TSGA10: variants seen among roughly 807,000 people sequenced by gnomAD.
TSGA10 encodes testis-specific gene 10 protein.
Under a neutral mutation model 96.6 loss-of-function variants are expected in TSGA10, and 43 were observed. That is an observed-to-expected ratio of 0.44 (90% CI 0.35 to 0.57). The LOEUF (loss-of-function observed/expected upper bound fraction) is 0.57, where lower values mean the gene tolerates loss of function less well. Ranked by LOEUF, TSGA10 falls within the 20% of genes least tolerant of loss-of-function variation. The pLI, the probability that TSGA10 is intolerant of heterozygous loss-of-function variation, is 0.01. For synonymous variants in TSGA10, 229 were observed against 269.9 expected (o/e 0.85, Z 1.48); for missense variants, 703 against 834.4 (o/e 0.84, Z 1.94).
At chr2:99,073,764 G>A (rs569477118) in intron 12 of TSGA10, among the ~76,000 whole-genome samples, 1 of 152,142 alleles carries the variant, frequency 6.6e-6, no homozygotes, top group Non-Finnish European at 1.5e-5. Context: ...ATATCTTAAT[G>A]CCTTTAATAC....
chr2:99,095,492 A>C (rs1200599448), intron 10 of TSGA10, among the ~76,000 whole-genome samples: 1 of 152,196 alleles, frequency 6.6e-6, no homozygotes, highest in Non-Finnish European at 1.5e-5. Flanking sequence ...TGATTCTTTA[A>C]AAAATTCTAT....
chr2:99,071,944 A>T, intron 13 of TSGA10, 70 bp from the exon 14 acceptor site: 1 of 1,371,274 alleles, frequency 7.3e-7, no homozygotes, highest in Non-Finnish European at 1.0e-6. Flanking sequence ...TTCTCACAAG[A>T]CAGAAGATGG....
chr2:99,075,772 T>TA (rs2086639894), intron 12 of TSGA10, among the ~76,000 whole-genome samples: 1 of 152,182 alleles, frequency 6.6e-6, no homozygotes, highest in South Asian at 2.1e-4. Context: ...ATAACATTGT[T>TA]ACGGTTCGCA....
intron 16 of TSGA10, among the ~76,000 whole-genome samples, chr2:99,057,010 C>CA (rs2084079978): frequency 6.6e-6 from 1 of 151,890 alleles, no homozygotes; most frequent in Admixed American, 6.6e-5. Context: ...AAGCATTTGA[C>CA]AAAATCCAAC....
intron 20 of TSGA10, among the ~76,000 whole-genome samples, chr2:99,004,268 T>A (rs187237573): frequency 1.1e-4 from 17 of 152,196 alleles, no homozygotes; most frequent in African/African-American, 3.9e-4. Context: ...AATCTCTGAA[T>A]AGACCAATAA....
chr2:99,101,244 CAAAAAAA>C (rs869263270), intron 10 of TSGA10, among the ~76,000 whole-genome samples: 3 of 24,364 alleles, frequency 1.2e-4, no homozygotes, highest in Admixed American at 6.8e-4. Context: ...GACTCTGTCT[CAAAAAAA>C]AAAAAAAAAA....
intron 17 of TSGA10, among the ~76,000 whole-genome samples, chr2:99,028,900 C>G (rs1028702685): frequency 1.3e-5 from 2 of 152,246 alleles, no homozygotes; most frequent in Non-Finnish European, 2.9e-5. Flanking sequence ...GGATATAATG[C>G]AAAATGTGAT....
At chr2:99,100,705 A>G (rs975928550) in intron 10 of TSGA10, among the ~76,000 whole-genome samples, 1 of 151,704 alleles carries the variant, frequency 6.6e-6, no homozygotes, top group African/African-American at 2.4e-5. Flanking sequence ...CTGTAGTCCC[A>G]GCTGCTCAGG....
chr2:99,018,530 A>G lies in TSGA10; in HGVS notation c.1922+6T>C. 6.2e-7 allele frequency: 1 copy of G among 1,612,108 alleles called. No homozygotes were observed. ...TGTTTTTGAGCTTGCATAGAGATAA[A>G]CTTACCTTTCAAAGCGCTCTGTTCC... On this transcript the variant is annotated splice_donor_region_variant and intron_variant, in intron 19 of 20. Coordinates refer to ENST00000393483, the MANE Select transcript of TSGA10 (RefSeq NM_025244.4).
At chr2:99,047,278 T>C (rs1039229692) in intron 16 of TSGA10, among the ~76,000 whole-genome samples, 3 of 151,968 alleles carry the variant, frequency 2.0e-5, no homozygotes, top group African/African-American at 7.2e-5. Flanking sequence ...AAAAAAAGGA[T>C]AATTTTAGAC....
intron 14 of TSGA10, 30 bp downstream of exon 14, chr2:99,071,676 T>G (rs1379842793): frequency 6.3e-7 from 1 of 1,583,242 alleles, no homozygotes; most frequent in South Asian, 1.2e-5. Flanking sequence ...TTTTTTTTCT[T>G]GGAGAAAATG....
At chr2:99,150,438 GA>G in intron 1 of TSGA10, 7 of 1,119,430 alleles carry the variant, frequency 6.3e-6, no homozygotes, top group Non-Finnish European at 8.9e-6. Flanking sequence ...TGAAGTTAGG[GA>G]AATTCCTGCT....
At chr2:99,144,476 G>A (rs2093611454) in intron 1 of TSGA10, among the ~76,000 whole-genome samples, 1 of 151,514 alleles carries the variant, frequency 6.6e-6, no homozygotes, top group African/African-American at 2.4e-5. Context: ...ATTGCTTCAT[G>A]TGTTTTGTGT....
intron 10 of TSGA10, among the ~76,000 whole-genome samples, chr2:99,097,388 T>C (rs78882783): frequency 0.018 from 2,686 of 152,244 alleles, 36 homozygotes; most frequent in Non-Finnish European, 0.029. Context: ...TAAACAAATA[T>C]TGACTGAGCA....
intron 17 of TSGA10, among the ~76,000 whole-genome samples, chr2:99,023,402 G>GTT (rs199829509): frequency 2.0e-5 from 3 of 146,944 alleles, no homozygotes; most frequent in African/African-American, 7.4e-5. Context: ...AGCACAGAAG[G>GTT]TTTTTTTTTT....
intron 15 of TSGA10, among the ~76,000 whole-genome samples, chr2:99,065,798 T>C (rs1274361287): frequency 6.6e-6 from 1 of 152,202 alleles, no homozygotes; most frequent in Non-Finnish European, 1.5e-5. Flanking sequence ...CATGTATAAA[T>C]TGAGCATACA....
intron 15 of TSGA10, among the ~76,000 whole-genome samples, chr2:99,066,807 G>A (rs1386604916): frequency 6.6e-6 from 1 of 151,930 alleles, no homozygotes; most frequent in East Asian, 1.9e-4. Context: ...ACTTCTATAT[G>A]GTGCCTCCCC....
intron 2 of TSGA10, among the ~76,000 whole-genome samples, chr2:99,120,963 T>C (rs575156294): frequency 6.6e-6 from 1 of 152,212 alleles, no homozygotes; most frequent in Non-Finnish European, 1.5e-5. Context: ...CAGCACAGCG[T>C]CCTTTAGATC....
At chr2:99,023,114 C>A (rs1439098585) in intron 17 of TSGA10, among the ~76,000 whole-genome samples, 1 of 152,116 alleles carries the variant, frequency 6.6e-6, no homozygotes, top group African/African-American at 2.4e-5. Context: ...AACCTCCCAC[C>A]TCAGCCCCTC....
Sources: gnomAD v4.1 joint callset for allele counts (sites outside exome capture counted in the v4.1 genomes callset) on GRCh38, gnomAD v4.1.1 for gene constraint, MANE v1.5 for transcripts, NCBI Gene and HGNC (gene_info 2026-07-23, HGNC 2026-07-21) for gene names.